NID1: variants seen among roughly 807,000 people sequenced by gnomAD.
NID1 encodes nidogen 1.
A neutral mutation model predicts 130.6 loss-of-function variants in NID1; 76 were observed. The ratio of observed to expected loss-of-function variants is 0.58; its 90% CI spans 0.48 to 0.70. NID1 has a LOEUF of 0.70. NID1 is among the 30% of genes least tolerant of loss of function. The pLI is 0.00. For synonymous variants in NID1, 665 were observed against 675.1 expected (o/e 0.98, Z 0.23); for missense variants, 1,517 against 1,664.8 (o/e 0.91, Z 1.54).
At chr1:236,046,929 G>C (rs1261434809) in intron 2 of NID1, among the ~76,000 whole-genome samples, 2 of 152,184 alleles carry the variant, frequency 1.3e-5, no homozygotes, top group Non-Finnish European at 2.9e-5. Context: ...TATGGTCACA[G>C]GTTTGGAGAC....
rs752827042 is a variant in NID1 at position 235,977,870 on chromosome 1, TTTCTG to T, written c.3736_3740del (p.Gln1246MetfsTer26). On this transcript the variant is annotated frameshift_variant, in exon 20 of 20. Coordinates refer to ENST00000264187, the MANE Select transcript of NID1 (RefSeq NM_002508.3). LOFTEE classifies it high-confidence loss of function. The stretch of plus-strand genomic sequence containing the variant: ...AGGAAATAAGGCACTCTTGTCTTCA[TTTCTG>T]TTCGATACAGTCAACTCCCAAGGTG... 3.7e-6 allele frequency: 6 copies of T among 1,614,080 alleles called. No homozygotes were observed. The highest frequency in any genetic ancestry group is 5.1e-6 in the Non-Finnish European group (6 of 1,179,972).
intron 9 of NID1, among the ~76,000 whole-genome samples, chr1:236,020,472 G>A (rs559038254): frequency 1.3e-5 from 2 of 152,154 alleles, no homozygotes; most frequent in South Asian, 4.2e-4. Flanking sequence ...CTATCTCTAC[G>A]GGCTCTAAAT....
intron 6 of NID1, among the ~76,000 whole-genome samples, chr1:236,030,787 C>T (rs149460796): frequency 7.2e-4 from 109 of 152,348 alleles, no homozygotes; most frequent in African/African-American, 2.5e-3. Flanking sequence ...TCAGAAGGAT[C>T]ATTGGAGTAA....
In NID1 at chr1:236,045,206, CAAAAA is replaced by C. The variant is rs201261106; in HGVS notation, c.752+246_752+250del. 2.3e-4 allele frequency among the ~76,000 whole-genome samples: 21 copies of C among 89,722 alleles called. 1 individual carries two copies. Among genetic ancestry groups the C allele is most frequent in the African/African-American group, 7.6e-4 (20 of 26,340 alleles). The allele number at this position is 89,722 out of a possible 152,430, so 58.9% of individuals were successfully genotyped here. A position where few individuals can be genotyped will look rare whatever the true frequency, so the allele number is the denominator to read the frequency against. ...TGGGCAACAGAGTAAGGCTCTGTCT[CAAAAA>C]AAAAAAAAAAAAAAAAAAAAAGAAC... On this transcript the variant is annotated intron_variant, in intron 3 of 19. Transcript: ENST00000264187.
In NID1 at chr1:236,065,013, CCAGCAGCAGCGG is replaced by C. The variant is rs1295141775; in HGVS notation, c.55_66del (p.Pro19_Leu22del). Reference sequence around the variant, plus strand: ...CGGCTCAGGCAGCCCACAGGCCCCGCCAGCAGCAGCGGCAGCAGCAGCGCCCGCGTCCACGCA... The same window carrying C: ...CGGCTCAGGCAGCCCACAGGCCCCGCCAGCAGCAGCGCCCGCGTCCACGCA... On this transcript the variant is annotated inframe_deletion, in exon 1 of 20. Transcript: ENST00000264187. This position sits in a 1 kb window ranked among gnomAD's most constrained non-coding sequence, Gnocchi z 4.1. The C allele has an allele frequency of 1.9e-6, 3 of 1,563,328 alleles. No individual in the cohort carries two copies. Among genetic ancestry groups the C allele is most frequent in the African/African-American group, 1.4e-5 (1 of 73,432 alleles).
rs1471734268 is a variant in NID1, at chr1:235,977,950, G to T, written c.3661C>A (p.His1221Asn). Residue 1221 changes from histidine to asparagine, a missense_variant, in exon 20 of 20, where the codon CAC (histidine) becomes AAC (asparagine). Physicochemically the swap from His to Asn is moderately conservative, Grantham distance 68. Around this residue, in one of 3 missense-constraint regions of NID1, gnomAD observed 181 missense variants for 211.3 expected, o/e 0.86. Transcript: ENST00000264187. ...YCSVNNGGCT[H>N]LCLATPGSRT... ...CTCCCTGGGGTGGCCAAGCATAGGTGGGTGCAGCCGCCATTGTTCACTGAG... is the reference window on the plus strand; with the variant it reads ...CTCCCTGGGGTGGCCAAGCATAGGTTGGTGCAGCCGCCATTGTTCACTGAG... 1 of 1,614,072 alleles carries T rather than the reference G, an allele frequency of 6.2e-7. No individual in the cohort carries two copies. Among genetic ancestry groups the T allele is most frequent in the Non-Finnish European group, 8.5e-7 (1 of 1,179,972 alleles).
At chr1:236,031,817 G>A (rs542154037) in intron 6 of NID1, among the ~76,000 whole-genome samples, 7 of 152,300 alleles carry the variant, frequency 4.6e-5, no homozygotes, top group South Asian at 4.1e-4. Flanking sequence ...ATCTGCCCAC[G>A]CGTCCAGTAA....
chr1:235,988,697 G>A (rs943094003), intron 14 of NID1, among the ~76,000 whole-genome samples: 5 of 152,154 alleles, frequency 3.3e-5, no homozygotes, highest in African/African-American at 1.2e-4. Context: ...AAGAAAGAAG[G>A]AAATTATGAC....
rs1296913608 is a variant in NID1 at position 236,026,018 on chromosome 1, T to C, written c.1862A>G (p.Asp621Gly). ...GCTGGGCAGGGCTGGCCGGGAGTCA[T>C]CGTGGACGCATTCCTGGAAGGTGAT... ...QTITFQECVH[D>G]DSRPALPSTQ... Residue 621 changes from aspartate to glycine, a missense_variant, in exon 8 of 20, where the codon GAT becomes GGT. This residue lies in a region of NID1 where 1,329 missense variants were observed against 1,429.2 expected (regional missense o/e 0.93). Transcript: ENST00000264187. The C allele has an allele frequency of 1.9e-5, 30 of 1,612,534 alleles. No homozygotes were observed. Among genetic ancestry groups the C allele is most frequent in the Non-Finnish European group, 2.5e-5 (30 of 1,179,832 alleles).
intron 9 of NID1, among the ~76,000 whole-genome samples, chr1:236,022,024 C>A (rs541306053): frequency 2.0e-5 from 3 of 152,072 alleles, no homozygotes; most frequent in African/African-American, 7.2e-5. Context: ...AAGAAAAGAG[C>A]GTTGCGAGGC....
At chr1:236,049,404 C>T (rs72765460) in intron 1 of NID1, among the ~76,000 whole-genome samples, 1,992 of 151,992 alleles carry the variant, frequency 0.013, 31 homozygotes, top group African/African-American at 0.033. Context: ...GCTTAAGCCC[C>T]GGGAGGTCAA....
At chr1:235,995,322 A>C (rs1422267837) in intron 12 of NID1, among the ~76,000 whole-genome samples, 1 of 152,188 alleles carries the variant, frequency 6.6e-6, no homozygotes, top group African/African-American at 2.4e-5. Flanking sequence ...TTATATGCAA[A>C]TACTACACCA....
intron 5 of NID1, among the ~76,000 whole-genome samples, chr1:236,034,290 C>T (rs942992571): frequency 6.6e-6 from 1 of 151,814 alleles, no homozygotes; most frequent in Non-Finnish European, 1.5e-5. Context: ...GGCATGGTGG[C>T]GGTCACCTAT....
At position 235,986,246 on chromosome 1, in the gene NID1, T is replaced by A. The variant is rs1403346558; in HGVS notation, c.2929-741A>T. On this transcript the variant is annotated intron_variant, in intron 14 of 19. Coordinates refer to ENST00000264187, the MANE Select transcript of NID1 (RefSeq NM_002508.3). ...GAAAAAGAAATAAAAGGCATACATA[T>A]TGAAGAAGTAAAATTACTCTATTCT... Among the ~76,000 whole-genome samples the A allele has an allele frequency of 2.0e-5, 3 of 152,194 alleles. No homozygotes were observed. The East Asian group carries it at 5.8e-4, about 29-fold the overall frequency.
intron 10 of NID1, among the ~76,000 whole-genome samples, chr1:236,013,865 C>G (rs564762668): frequency 2.0e-5 from 3 of 150,168 alleles, no homozygotes; most frequent in South Asian, 4.1e-4. Context: ...ATCCCCATCA[C>G]AGGTCCCCAG....
chr1:236,029,434 T>A, intron 7 of NID1, 116 bp downstream of exon 7: 2 of 944,592 alleles, frequency 2.1e-6, no homozygotes, highest in Non-Finnish European at 3.2e-6. Context: ...TAAGGCCCGG[T>A]GTATTTCCCT....
At chr1:236,057,697 A>C (rs1659933124) in intron 1 of NID1, among the ~76,000 whole-genome samples, 1 of 152,132 alleles carries the variant, frequency 6.6e-6, no homozygotes, top group Admixed American at 6.6e-5. Context: ...GACTGAAAGA[A>C]AGAAGGAAAG....
chr1:236,043,581 G>A (rs1471080427), intron 3 of NID1, among the ~76,000 whole-genome samples: 2 of 152,086 alleles, frequency 1.3e-5, no homozygotes, highest in Non-Finnish European at 2.9e-5. Context: ...GGCAGATCAT[G>A]AGGTCAGGAG....
chr1:235,997,859 C>T (rs569934224), intron 12 of NID1, among the ~76,000 whole-genome samples: 63 of 152,196 alleles, frequency 4.1e-4, no homozygotes, highest in Middle Eastern at 3.4e-3. Context: ...CCACCCACCT[C>T]GGCCTCCCAA....
Sources: gnomAD v4.1 joint callset for allele counts (sites outside exome capture counted in the v4.1 genomes callset) on GRCh38, gnomAD v4.1.1 for gene constraint, gnomAD v4.1.1 regional missense constraint, Gnocchi (gnomAD v3.1) non-coding constraint, MANE v1.5 for transcripts, NCBI Gene and HGNC (gene_info 2026-07-23, HGNC 2026-07-21) for gene names.